The following USP34 variants were observed in gnomAD, a reference collection of about 807,000 sequenced individuals.
The protein encoded by USP34 is ubiquitin specific peptidase 34, also known as ubiquitin carboxyl-terminal hydrolase 34.
In USP34, 70 loss-of-function variants were observed where a neutral mutation model predicts 460.3. That is an observed-to-expected ratio of 0.15 (90% CI 0.13 to 0.19). The LOEUF (loss-of-function observed/expected upper bound fraction) is 0.19. USP34 is among the 10% of genes least tolerant of loss of function. The probability of loss-of-function intolerance (pLI) is 1.00; values close to 1 mark genes in which losing one functional copy is unlikely to be tolerated. For missense variants in USP34, 3,985 were observed against 4,236.2 expected (o/e 0.94, Z 1.65); for synonymous variants, 1,647 against 1,405.3 (o/e 1.17, Z -3.85).
intron 3 of USP34, among the ~76,000 whole-genome samples, chr2:61,401,926 C>A (rs566251865): frequency 6.6e-6 from 1 of 151,086 alleles, no homozygotes. Context: ...TCTGATTTCA[C>A]AGAATTACAC....
At chr2:61,232,901 G>C (rs1687954672) in intron 57 of USP34, among the ~76,000 whole-genome samples, 1 of 102,070 alleles carries the variant, frequency 9.8e-6, no homozygotes, top group Non-Finnish European at 1.8e-5. Context: ...GACAGATCTT[G>C]CTCCGTTGCC....
rs578122040 is a variant in USP34 at position 61,321,157 on chromosome 2, G to A, written c.3014-1830C>T. On this transcript the variant is annotated intron_variant, in intron 21 of 79. Transcript: ENST00000398571. ...TGCACTTCAGCCTGGATGACAGAGC[G>A]AGACTGTCTCTTTAAAAAAAAAAAC... Among the ~76,000 whole-genome samples, 316 of 151,446 alleles carry A rather than the reference G, an allele frequency of 2.1e-3. 2 individuals are homozygous for A. Among genetic ancestry groups the A allele is most frequent in the African/African-American group, 7.1e-3 (295 of 41,304 alleles).
At chr2:61,289,250 A>T (rs376062076) in intron 33 of USP34, among the ~76,000 whole-genome samples, 77 of 152,280 alleles carry the variant, frequency 5.1e-4, no homozygotes, top group African/African-American at 1.4e-3. Context: ...CAATAAAATT[A>T]ACTGAGAAAC....
intron 48 of USP34, among the ~76,000 whole-genome samples, chr2:61,249,412 T>G (rs1242382528): frequency 6.6e-6 from 1 of 152,240 alleles, no homozygotes; most frequent in Non-Finnish European, 1.5e-5. Flanking sequence ...CTGTGCCAGA[T>G]TTTATCATGC....
At chr2:61,235,814 C>G (rs954122133) in intron 57 of USP34, 31 bp downstream of exon 57, 16 of 1,593,742 alleles carry the variant, frequency 1.0e-5, no homozygotes, top group Non-Finnish European at 1.0e-5. Context: ...GAATCTTAAA[C>G]TATGCATTAG....
chr2:61,437,807 A>AAATAAATAAATG (rs1694858847), intron 1 of USP34, among the ~76,000 whole-genome samples: 1 of 150,426 alleles, frequency 6.6e-6, no homozygotes, highest in African/African-American at 2.4e-5. Flanking sequence ...ATAAATAAAT[A>AAATAAATAAATG]AATAAATAAA....
Position 61,211,851 on chromosome 2 carries a change from T to C in USP34, c.8761A>G (p.Ile2921Val). Reference protein sequence around the residue: ...PDMREEELEDIKQFKKTTISC... With the variant: ...PDMREEELEDVKQFKKTTISC... ...ATGGTTGTTTTCTTGAACTGTTTAA[T>C]ATCTTCTAATTCTTCTTCTCTCATA... Residue 2921 changes from isoleucine (I) to valine (V), a missense_variant, in exon 69 of 80, where the codon ATT becomes GTT. By Grantham distance (29) the Ile-to-Val change is conservative. This residue lies in a region of USP34 where 275 missense variants were observed against 292.7 expected (regional missense o/e 0.94). Coordinates refer to ENST00000398571, the MANE Select transcript of USP34 (RefSeq NM_014709.4). 6.2e-7 allele frequency: 1 copy of C among 1,610,846 alleles called. No homozygotes were observed. The highest frequency in any genetic ancestry group is 8.5e-7 in the Non-Finnish European group (1 of 1,179,050).
At chr2:61,265,000 C>G (rs1420195269) in intron 43 of USP34, among the ~76,000 whole-genome samples, 2 of 152,154 alleles carry the variant, frequency 1.3e-5, no homozygotes, top group Non-Finnish European at 2.9e-5. Context: ...ATAAAAGAAA[C>G]AAGCTAAGTG....
At chr2:61,410,364 C>G (rs1694002402) in intron 2 of USP34, among the ~76,000 whole-genome samples, 1 of 152,180 alleles carries the variant, frequency 6.6e-6, no homozygotes, top group Admixed American at 6.5e-5. Context: ...CTGTGAGAAT[C>G]TGATGCTGCC....
chr2:61,263,402 G>C (rs35880979), intron 43 of USP34, among the ~76,000 whole-genome samples: 10 of 151,102 alleles, frequency 6.6e-5, no homozygotes, highest in African/African-American at 2.4e-4. Flanking sequence ...GCTGGTCTCA[G>C]ACTCCTGACC....
chr2:61,310,568 TA>T (rs1414507405), intron 27 of USP34, among the ~76,000 whole-genome samples: 1 of 151,008 alleles, frequency 6.6e-6, no homozygotes, highest in Non-Finnish European at 1.5e-5. Context: ...TATGTATATA[TA>T]TTCTTACATT....
At position 61,420,962 on chromosome 2, in the gene USP34, A is replaced by G. The variant is rs530934459; in HGVS notation, c.44-129T>C. On this transcript the variant is annotated intron_variant, in intron 1 of 79. Transcript: ENST00000398571. ...AATCATTCTTTTGCTTCCAAAGAAA[A>G]TAAGTCTACTTTTAATTAATAACTC... 2.1e-4 allele frequency: 126 copies of G among 598,052 alleles called. No individual in the cohort carries two copies. The Middle Eastern group carries it at 3.9e-3, about 18-fold the overall frequency. 37.0% of individuals were successfully genotyped at this position (598,052 alleles called of 1,614,324 possible).
chr2:61,199,428 G>A (rs770992662), intron 75 of USP34, among the ~76,000 whole-genome samples: 1 of 152,080 alleles, frequency 6.6e-6, no homozygotes, highest in Non-Finnish European at 1.5e-5. Flanking sequence ...GCTAATTTTT[G>A]TATTTTCAGT....
intron 29 of USP34, among the ~76,000 whole-genome samples, chr2:61,298,078 A>C (rs189464193): frequency 6.6e-6 from 1 of 152,310 alleles, no homozygotes; most frequent in East Asian, 1.9e-4. Context: ...CAAAGTGTGC[A>C]TAAGTATGTT....
At chr2:61,217,369 T>G (rs1227535295) in intron 67 of USP34, among the ~76,000 whole-genome samples, 1 of 152,232 alleles carries the variant, frequency 6.6e-6, no homozygotes. Flanking sequence ...TTAAAAGTTC[T>G]CATTTATTTT....
chr2:61,221,568 C>A lies in USP34; in HGVS notation c.7833G>T (p.Met2611Ile), dbSNP rs1230639119. ...NPFFKLLTML[M>I]EFAGGPPGMP... ...TTCCTGGAGGTCCACCAGCAAACTC[C>A]ATTAGCATAGTCAACAACTTAAAGA... is the stretch of plus-strand genomic sequence containing the variant. Residue 2611 changes from methionine to isoleucine, a missense_variant, in exon 66 of 80, where the codon ATG (methionine) becomes ATT (isoleucine). Coordinates refer to ENST00000398571, the MANE Select transcript of USP34 (RefSeq NM_014709.4). 2 of 1,614,108 alleles carry A rather than the reference C, an allele frequency of 1.2e-6. No homozygotes were observed. The highest frequency in any genetic ancestry group is 1.7e-6 in the Non-Finnish European group (2 of 1,179,980).
chr2:61,320,122 T>C (rs181403090), intron 21 of USP34, among the ~76,000 whole-genome samples: 4 of 152,332 alleles, frequency 2.6e-5, no homozygotes, highest in Admixed American at 2.0e-4. Context: ...CCACATCATT[T>C]ATGGCTATGC....
At chr2:61,349,825 A>C (rs1470998328) in intron 12 of USP34, among the ~76,000 whole-genome samples, 3 of 150,100 alleles carry the variant, frequency 2.0e-5, no homozygotes, top group Non-Finnish European at 4.4e-5. Context: ...TGGGTGACAG[A>C]CCGAGGCTCC....
intron 16 of USP34, among the ~76,000 whole-genome samples, chr2:61,342,078 C>T (rs949177538): frequency 2.4e-4 from 36 of 151,906 alleles, no homozygotes; most frequent in African/African-American, 8.7e-4. Flanking sequence ...TTTATAGCAA[C>T]ACAATAATGG....
Sources: gnomAD v4.1 joint callset for allele counts (sites outside exome capture counted in the v4.1 genomes callset) on GRCh38, gnomAD v4.1.1 for gene constraint, gnomAD v4.1.1 regional missense constraint, MANE v1.5 for transcripts, NCBI Gene and HGNC (gene_info 2026-07-23, HGNC 2026-07-21) for gene names.